Variants in RASA3 observed in about 807,000 individuals in gnomAD.
RASA3 encodes the protein RAS p21 protein activator 3.
RASA3 carries 73 observed loss-of-function variants against 110.0 expected under a neutral mutation model. The observed-to-expected ratio is 0.66, with a 90% CI of 0.55 to 0.81. The LOEUF is 0.81. Among genes scored for constraint, RASA3 ranks in the 30% least tolerant of loss-of-function variants. The pLI, the probability that RASA3 is intolerant of heterozygous loss-of-function variation, is 0.00. For synonymous variants in RASA3, 500 were observed against 451.4 expected, an observed-to-expected ratio of 1.11 and a Z score of -1.37; for missense variants, 976 against 1,113.2, an observed-to-expected ratio of 0.88 and a Z score of 1.75.
At chr13:114,069,424 G>A (rs1445211777) in intron 2 of RASA3, among the ~76,000 whole-genome samples, 2 of 131,128 alleles carry the variant, frequency 1.5e-5, no homozygotes, top group Non-Finnish European at 3.3e-5. Flanking sequence ...GGAAGCACAC[G>A]GGGGGCTGGG....
At chr13:114,117,682 AGGG>A (rs2080307684) in intron 1 of RASA3, among the ~76,000 whole-genome samples, 1 of 105,176 alleles carries the variant, frequency 9.5e-6, no homozygotes, top group Non-Finnish European at 1.9e-5. Context: ...CACGTGTGTG[AGGG>A]GTGCATGTGT....
chr13:114,012,721 T>TTCCACACACACTCCCCAC (rs1241771422), intron 15 of RASA3, among the ~76,000 whole-genome samples: 4,359 of 86,376 alleles, frequency 0.05, 389 homozygotes, highest in Non-Finnish European at 0.082. Context: ...ACACTCCCCA[T>TTCCACACACACTCCCCAC]TCCACACACA....
intron 15 of RASA3, among the ~76,000 whole-genome samples, chr13:114,012,171 G>A (rs574271800): frequency 6.6e-6 from 1 of 151,984 alleles, no homozygotes; most frequent in African/African-American, 2.4e-5. Flanking sequence ...AGAGCAGGGC[G>A]GTGACCAGCA....
intron 1 of RASA3, among the ~76,000 whole-genome samples, chr13:114,130,707 G>A (rs1023190971): frequency 2.6e-5 from 4 of 152,176 alleles, no homozygotes; most frequent in African/African-American, 9.7e-5. Context: ...GCCCTTCCTG[G>A]AGTACACAGC....
At chr13:113,991,890 ATG>A (rs1216438614) in intron 22 of RASA3, among the ~76,000 whole-genome samples, 3 of 152,178 alleles carry the variant, frequency 2.0e-5, no homozygotes, top group Non-Finnish European at 2.9e-5. Context: ...CCACACACAC[ATG>A]CTCACACATG....
At chr13:114,054,888 CGT>C (rs1013226946) in intron 2 of RASA3, among the ~76,000 whole-genome samples, 115 of 152,366 alleles carry the variant, frequency 7.5e-4, no homozygotes, top group African/African-American at 2.6e-3. Context: ...CCTGCGTCTG[CGT>C]GGGCACCGCC....
At chr13:114,058,436 CG>C (rs2079282217) in intron 2 of RASA3, among the ~76,000 whole-genome samples, 1 of 152,244 alleles carries the variant, frequency 6.6e-6, no homozygotes, top group African/African-American at 2.4e-5. Context: ...CTCACCAGCC[CG>C]TGACTTGTGG....
At chr13:114,009,498 C>G in intron 16 of RASA3, 34 bp from the exon 17 acceptor site, 1 of 1,412,658 alleles carries the variant, frequency 7.1e-7, no homozygotes, top group Non-Finnish European at 1.0e-6. Context: ...GAGGACAGCC[C>G]GAAGTACCTC....
At chr13:113,991,294 T>C (rs1040108707) in intron 22 of RASA3, among the ~76,000 whole-genome samples, 5 of 152,080 alleles carry the variant, frequency 3.3e-5, no homozygotes, top group South Asian at 2.1e-4. Flanking sequence ...AGCTCACAGA[T>C]GGGCAGCTGC....
At chr13:114,017,206 T>C in intron 12 of RASA3, 31 bp downstream of exon 12, 1 of 1,574,958 alleles carries the variant, frequency 6.3e-7, no homozygotes, top group Non-Finnish European at 8.7e-7. Context: ...CCACGCCTCG[T>C]GAGGCTGAGG....
chr13:114,018,676 C>G, intron 10 of RASA3, 87 bp downstream of exon 10: 1 of 1,515,972 alleles, frequency 6.6e-7, no homozygotes, highest in Non-Finnish European at 8.9e-7. Flanking sequence ...GAGAAGGTGC[C>G]CTCTGGGGTG....
intron 1 of RASA3, among the ~76,000 whole-genome samples, chr13:114,074,700 C>G (rs542251693): frequency 6.6e-6 from 1 of 152,364 alleles, no homozygotes; most frequent in South Asian, 2.1e-4. Flanking sequence ...CTCCTTCAAG[C>G]CCACAGAGAC....
At chr13:114,002,822 G>A (rs1212744880) in intron 18 of RASA3, among the ~76,000 whole-genome samples, 3 of 152,206 alleles carry the variant, frequency 2.0e-5, no homozygotes, top group Non-Finnish European at 4.4e-5. Flanking sequence ...GGACGGGGAG[G>A]CAGGAGCCAC....
At position 113,982,782 on chromosome 13, in the gene RASA3, G is replaced by A. The variant is rs115274494; in HGVS notation, c.2246-924C>T. On this transcript the variant is annotated intron_variant, in intron 22 of 23. Coordinates refer to ENST00000334062, the MANE Select transcript of RASA3 (RefSeq NM_007368.4). ...CGTGAGGGTGGAACCCTTGTGCAGG[G>A]GATGGGCGTCCCTATAGAAGACACC... Among the ~76,000 whole-genome samples the A allele has an allele frequency of 3.2e-3, 492 of 152,332 alleles. 4 individuals carry two copies. Among genetic ancestry groups the A allele is most frequent in the African/African-American group, 0.011 (469 of 41,572 alleles).
chr13:114,030,863 G>A (rs373910125), intron 4 of RASA3, among the ~76,000 whole-genome samples: 26 of 151,920 alleles, frequency 1.7e-4, no homozygotes, highest in East Asian at 9.7e-4. Context: ...CTGTGTGTGC[G>A]GCTGTGTGTC....
chr13:114,109,847 G>A (rs1054046478), intron 1 of RASA3, among the ~76,000 whole-genome samples: 5 of 152,228 alleles, frequency 3.3e-5, no homozygotes, highest in Admixed American at 1.3e-4. Context: ...GGGTGGCCTC[G>A]CGGCGGCACG....
intron 1 of RASA3, among the ~76,000 whole-genome samples, chr13:114,120,513 T>C (rs2080361738): frequency 1.4e-4 from 6 of 41,426 alleles, no homozygotes; most frequent in Admixed American, 4.3e-4. Flanking sequence ...CCCTCCTCTC[T>C]CCAGCCAGAC....
At position 114,015,137 on chromosome 13, in the gene RASA3, G is replaced by A. The variant is rs779337424; in HGVS notation, c.1405+72C>T. On this transcript the variant is annotated intron_variant, in intron 14 of 23. Transcript: ENST00000334062. ...TCTAGCCAGGGCTGCGGGGGGTTCT[G>A]CCTGGGTGGGAGTCACCCTGCACAG... The A allele has an allele frequency of 5.8e-4, 918 of 1,582,626 alleles. 1 individual carries two copies. Among genetic ancestry groups the A allele is most frequent in the Non-Finnish European group, 6.8e-4 (783 of 1,159,940 alleles).
rs569383572 is a variant in RASA3, at chr13:114,030,715, A to G, written c.373-828T>C. On this transcript the variant is annotated intron_variant, in intron 4 of 23. Transcript: ENST00000334062. Reference sequence around the variant, plus strand: ...GTGTGTCCACCTGTCTGTGCGTACAACTGTGTGTCTGCCTGTGTGCGTGCG... The same window carrying G: ...GTGTGTCCACCTGTCTGTGCGTACAGCTGTGTGTCTGCCTGTGTGCGTGCG... 6.7e-4 allele frequency among the ~76,000 whole-genome samples: 101 copies of G among 151,658 alleles called. 2 individuals are homozygous for G. The highest frequency in any genetic ancestry group is 1.1e-3 in the Admixed American group (17 of 15,270).
Sources: gnomAD v4.1 joint callset for allele counts (sites outside exome capture counted in the v4.1 genomes callset) on GRCh38, gnomAD v4.1.1 for gene constraint, MANE v1.5 for transcripts, NCBI Gene and HGNC (gene_info 2026-07-23, HGNC 2026-07-21) for gene names.